KHDRBS2: variants seen among roughly 807,000 people sequenced by gnomAD.
KHDRBS2 encodes the protein KH RNA binding domain containing, signal transduction associated 2, also known as KH domain-containing, RNA-binding, signal transduction-associated protein 2.
Under a neutral mutation model 44.3 loss-of-function variants are expected in KHDRBS2, and 26 were observed. The observed-to-expected ratio is 0.59, with a 90% CI of 0.43 to 0.81. The LOEUF (loss-of-function observed/expected upper bound fraction) is 0.81, where lower values mean the gene tolerates loss of function less well. Ranked by LOEUF, KHDRBS2 falls within the 40% of genes least tolerant of loss-of-function variation. KHDRBS2 has a pLI of 0.00. For missense variants in KHDRBS2, 476 were observed against 433.1 expected, an observed-to-expected ratio of 1.10 and a Z score of -0.88; for synonymous variants, 194 against 151.1, an observed-to-expected ratio of 1.28 and a Z score of -2.08.
At chr6:62,033,890 A>G (rs141286249) in intron 3 of KHDRBS2, among the ~76,000 whole-genome samples, 4 of 151,712 alleles carry the variant, frequency 2.6e-5, no homozygotes, top group Admixed American at 6.6e-5. Flanking sequence ...ACCTTTAGCC[A>G]GAATAATTAA....
At chr6:62,059,138 G>C (rs1266218287) in intron 2 of KHDRBS2, among the ~76,000 whole-genome samples, 1 of 130,032 alleles carries the variant, frequency 7.7e-6, no homozygotes, top group Admixed American at 8.8e-5. Context: ...AAGCAGTACA[G>C]ATTAAGTGCT....
At chr6:62,181,315 C>T (rs1822236887) in intron 1 of KHDRBS2, among the ~76,000 whole-genome samples, 1 of 151,778 alleles carries the variant, frequency 6.6e-6, no homozygotes, top group Admixed American at 6.6e-5. Flanking sequence ...GATCTGATAT[C>T]CAAAATACAT....
chr6:62,227,490 C>A (rs150476996), intron 1 of KHDRBS2, among the ~76,000 whole-genome samples: 1 of 152,304 alleles, frequency 6.6e-6, no homozygotes, highest in East Asian at 1.9e-4. Context: ...TTGACTTCTT[C>A]TCTTCCTATT....
At chr6:61,563,198 G>A in the KHDRBS2 span, among the ~76,000 whole-genome samples, 184 of 152,150 alleles carry the variant, frequency 1.2e-3, no homozygotes, top group Non-Finnish European at 2.2e-3. Context: ...GGTTTGGTCC[G>A]AAATTGCTCA....
chr6:61,891,467 T>A (rs1801825254), intron 6 of KHDRBS2, among the ~76,000 whole-genome samples: 1 of 152,158 alleles, frequency 6.6e-6, no homozygotes, highest in Non-Finnish European at 1.5e-5. Context: ...TAGGAAGGAT[T>A]CCCTCTTTTT....
chr6:61,767,627 T>G (rs901673090), intron 6 of KHDRBS2, among the ~76,000 whole-genome samples: 1 of 152,124 alleles, frequency 6.6e-6, no homozygotes, highest in Non-Finnish European at 1.5e-5. Flanking sequence ...TTTTTATTTT[T>G]TGTGTATCTG....
chr6:62,122,714 C>CGTGTCTTATA (rs1807964534), intron 2 of KHDRBS2, among the ~76,000 whole-genome samples: 2 of 150,236 alleles, frequency 1.3e-5, no homozygotes, highest in African/African-American at 2.5e-5. Context: ...AAGACACCAC[C>CGTGTCTTATA]TGAAAGTGGA....
intron 1 of KHDRBS2, among the ~76,000 whole-genome samples, chr6:62,267,447 A>T (rs1251269190): frequency 6.6e-6 from 1 of 152,100 alleles, no homozygotes; most frequent in Admixed American, 6.6e-5. Context: ...GGCTGCAGCC[A>T]GGTGAACAAG....
chr6:62,147,886 T>C (rs1219436727), intron 2 of KHDRBS2, among the ~76,000 whole-genome samples: 1 of 151,996 alleles, frequency 6.6e-6, no homozygotes, highest in Admixed American at 6.6e-5. Context: ...CACTAAAACG[T>C]TTGCATATGC....
intron 3 of KHDRBS2, among the ~76,000 whole-genome samples, chr6:62,042,814 T>A (rs899675618): frequency 6.6e-6 from 1 of 152,050 alleles, no homozygotes; most frequent in Non-Finnish European, 1.5e-5. Flanking sequence ...ACATTATTAC[T>A]GCATCAAAGA....
chr6:61,698,201 T>C (rs1768134452), intron 7 of KHDRBS2, among the ~76,000 whole-genome samples: 1 of 152,206 alleles, frequency 6.6e-6, no homozygotes, highest in Non-Finnish European at 1.5e-5. Context: ...ACATTTCACT[T>C]GCTTCAGATA....
At chr6:62,092,105 C>T (rs529921407) in intron 2 of KHDRBS2, among the ~76,000 whole-genome samples, 2 of 151,970 alleles carry the variant, frequency 1.3e-5, no homozygotes, top group South Asian at 2.1e-4. Flanking sequence ...TAAAGTTTTG[C>T]TTGATGTCTC....
At chr6:62,178,607 G>A (rs1035990256) in intron 1 of KHDRBS2, among the ~76,000 whole-genome samples, 5 of 151,552 alleles carry the variant, frequency 3.3e-5, no homozygotes, top group South Asian at 2.1e-4. Flanking sequence ...AAGTAGGAAT[G>A]AGACGTTAAA....
At chr6:61,689,164 AG>A (rs1336213883) in intron 8 of KHDRBS2, among the ~76,000 whole-genome samples, 1 of 151,930 alleles carries the variant, frequency 6.6e-6, no homozygotes, top group Non-Finnish European at 1.5e-5. Flanking sequence ...ATGACGTGCC[AG>A]GAGGATAATG....
At chr6:61,543,516 C>G in the KHDRBS2 span, among the ~76,000 whole-genome samples, 2 of 151,940 alleles carry the variant, frequency 1.3e-5, no homozygotes, top group Non-Finnish European at 2.9e-5. Flanking sequence ...ATTAGTACAA[C>G]CACTATGGAG....
At chr6:62,121,218 T>C (rs759021204) in intron 2 of KHDRBS2, among the ~76,000 whole-genome samples, 2 of 152,164 alleles carry the variant, frequency 1.3e-5, no homozygotes, top group African/African-American at 2.4e-5. Flanking sequence ...TGAGAGCCAT[T>C]ATGGTGGGAA....
chr6:62,277,006 G>T (rs190787006), intron 1 of KHDRBS2, among the ~76,000 whole-genome samples: 1 of 152,076 alleles, frequency 6.6e-6, no homozygotes, highest in African/African-American at 2.4e-5. Context: ...GATTACTTGT[G>T]GTAATGCATC....
At chr6:62,038,307 T>C (rs150915184) in intron 3 of KHDRBS2, among the ~76,000 whole-genome samples, 260 of 148,578 alleles carry the variant, frequency 1.7e-3, no homozygotes, top group Admixed American at 3.2e-3. Context: ...ATTCATTAGA[T>C]TGAGAAGCTG....
intron 2 of KHDRBS2, among the ~76,000 whole-genome samples, chr6:62,113,760 A>G (rs1488469779): frequency 6.6e-6 from 1 of 152,132 alleles, no homozygotes; most frequent in African/African-American, 2.4e-5. Context: ...GACAAAATAT[A>G]TTTACTAACA....
Sources: allele counts gnomAD v4.1 joint callset (sites outside exome capture counted in the v4.1 genomes callset), GRCh38; gene constraint gnomAD v4.1.1; transcripts MANE v1.5; gene names NCBI Gene and HGNC (gene_info 2026-07-23, HGNC 2026-07-21).